SPTB: variants seen among roughly 807,000 people sequenced by gnomAD.
SPTB encodes the protein spectrin beta, erythrocytic.
In SPTB, 45 loss-of-function variants were observed where a neutral mutation model predicts 256.2. The ratio of observed to expected loss-of-function variants is 0.18; its 90% confidence interval spans 0.14 to 0.23. The LOEUF (loss-of-function observed/expected upper bound fraction) is 0.23. Among genes scored for constraint, SPTB ranks in the 10% least tolerant of loss-of-function variants. SPTB has a pLI of 1.00. For synonymous variants in SPTB, 1,231 were observed against 1,243.1 expected, an observed-to-expected ratio of 0.99 and a Z score of 0.21; for missense variants, 2,715 against 3,040.4, an observed-to-expected ratio of 0.89 and a Z score of 2.52.
At position 64,779,916 on chromosome 14, in the gene SPTB, C is replaced by G. The variant is rs567454803; in HGVS notation, c.4282G>C (p.Val1428Leu). 1 of 1,613,806 alleles carries G rather than the reference C, an allele frequency of 6.2e-7. No homozygotes were observed. Among genetic ancestry groups the G allele is most frequent in the Non-Finnish European group, 8.5e-7 (1 of 1,179,902 alleles). The change falls in exon 21 of 36, where the codon GTG becomes CTG. Residue 1428 changes from valine (V) to leucine (L), a missense_variant. Val to Leu is a conservative substitution (Grantham distance 32). Coordinates refer to ENST00000644917, the MANE Select transcript of SPTB (RefSeq NM_001355436.2). The surrounding 1 kb of genome is among the most constrained non-coding windows in gnomAD (Gnocchi z 4.2). Reference sequence around the variant, plus strand: ...CCCAGCTCCTCTTTTCGCACATTCACTTGGTCCTCCACTCGCTGAGACACA... The same window carrying G: ...CCCAGCTCCTCTTTTCGCACATTCAGTTGGTCCTCCACTCGCTGAGACACA... ...LAKLKRVEDQ[V>L]NVRKEELGEL... is the part of the protein sequence containing the mutation.
chr14:64,774,675 C>T, intron 23 of SPTB, 148 bp from the exon 24 acceptor site: 3 of 1,228,642 alleles, frequency 2.4e-6, no homozygotes, highest in South Asian at 2.7e-5. Flanking sequence ...TGCTTCCTTC[C>T]TGCCCTTCTG....
chr14:64,854,734 C>T (rs1044565060), intron 1 of SPTB, among the ~76,000 whole-genome samples: 24 of 152,266 alleles, frequency 1.6e-4, no homozygotes, highest in Admixed American at 3.3e-4. Context: ...GAAGGCTCCT[C>T]GGATTACACC....
chr14:64,765,043 C>T (rs229583), intron 32 of SPTB, among the ~76,000 whole-genome samples: 17,603 of 88,986 alleles, frequency 0.2, 1,328 homozygotes, highest in African/African-American at 0.25. Flanking sequence ...TGTGTGTGTG[C>T]GCGCGCGCGC....
Position 64,786,104 on chromosome 14 carries a change from T to C in SPTB, c.3562-153A>G, listed in dbSNP as rs889440431. Among the ~76,000 whole-genome samples, 2 of 151,976 alleles carry C rather than the reference T, an allele frequency of 1.3e-5. No individual in the cohort carries two copies. Among genetic ancestry groups the C allele is most frequent in the African/African-American group, 4.8e-5 (2 of 41,398 alleles). ...GGGAGGAGGCACTACTCCCCAGGCCTTGCCCCCACCCCTACCCCAGGGGCA... is the reference window on the plus strand; with the variant it reads ...GGGAGGAGGCACTACTCCCCAGGCCCTGCCCCCACCCCTACCCCAGGGGCA... On this transcript the variant is annotated intron_variant, in intron 16 of 35. Coordinates refer to ENST00000644917, the MANE Select transcript of SPTB (RefSeq NM_001355436.2). This position sits in a 1 kb window ranked among gnomAD's most constrained non-coding sequence, Gnocchi z 5.6.
chr14:64,865,223 T>C (rs1272410152), intron 1 of SPTB, among the ~76,000 whole-genome samples: 1 of 151,898 alleles, frequency 6.6e-6, no homozygotes. Flanking sequence ...GCCAACAAAA[T>C]ACACTGCTCA....
chr14:64,864,611 C>T (rs1249586100), intron 1 of SPTB, among the ~76,000 whole-genome samples: 1 of 152,118 alleles, frequency 6.6e-6, no homozygotes, highest in Non-Finnish European at 1.5e-5. Context: ...AAACACATAT[C>T]TGTATCTATG....
intron 1 of SPTB, among the ~76,000 whole-genome samples, chr14:64,854,274 CTTTTTTTTT>C (rs1206368948): frequency 6.8e-5 from 5 of 73,284 alleles, no homozygotes; most frequent in African/African-American, 1.1e-4. Context: ...TTTCCAAACT[CTTTTTTTTT>C]TTTTTTTTTT....
intron 1 of SPTB, among the ~76,000 whole-genome samples, chr14:64,865,029 T>C (rs1882081621): frequency 6.6e-6 from 1 of 152,058 alleles, no homozygotes; most frequent in Non-Finnish European, 1.5e-5. Flanking sequence ...GTTTGCAAGA[T>C]GCTTGGAGTA....
Position 64,823,548 on chromosome 14 carries a change from A to G in SPTB, c.-51-403T>C, listed in dbSNP as rs554412378. ...CAACCCTCACCCTGAGGACTAGGCC[A>G]GGACCTAACCTGGTGGGGGAGATGG... On this transcript the variant is annotated intron_variant, in intron 1 of 35. Transcript: ENST00000644917. This position sits in a 1 kb window ranked among gnomAD's most constrained non-coding sequence, Gnocchi z 6.5. Among the ~76,000 whole-genome samples the G allele has an allele frequency of 2.0e-5, 3 of 152,280 alleles. No homozygotes were observed. The highest frequency in any genetic ancestry group is 6.5e-5 in the Admixed American group (1 of 15,296).
Position 64,785,856 on chromosome 14 carries a change from G to C in SPTB, c.3657C>G (p.Asn1219Lys). The change falls in exon 17 of 36, where the codon AAC becomes AAG. Residue 1219 changes from asparagine (N) to lysine (K), a missense_variant. Physicochemically the swap from Asn to Lys is moderately conservative, Grantham distance 94. Coordinates refer to ENST00000644917, the MANE Select transcript of SPTB (RefSeq NM_001355436.2). The surrounding 1 kb of genome is among the most constrained non-coding windows in gnomAD (Gnocchi z 4.4). ...CAGGACTCAAGACCTTATCCCGGTT[G>C]TTCTCCATAGACCCCAAGAAATCCT... ...KFEDFLGSME[N>K]NRDKVLSPVD... The C allele has an allele frequency of 6.2e-7, 1 of 1,614,122 alleles. No individual in the cohort carries two copies. The highest frequency in any genetic ancestry group is 8.5e-7 in the Non-Finnish European group (1 of 1,180,032).
In SPTB at chr14:64,758,967, G is replaced by C. The variant is rs1381364945; in HGVS notation, c.6346-5174C>G. On this transcript the variant is annotated intron_variant, in intron 32 of 35. Transcript: ENST00000644917. The surrounding 1 kb of genome is among the most constrained non-coding windows in gnomAD (Gnocchi z 4.6). ...TGGGGGCCTTATCAGGGAAGGGGGT[G>C]GGGGAGGCTGGAGATGGGGTAGATG... Among the ~76,000 whole-genome samples, 1 of 152,116 alleles carries C rather than the reference G, an allele frequency of 6.6e-6. No individual in the cohort carries two copies. The highest frequency in any genetic ancestry group is 6.5e-5 in the Admixed American group (1 of 15,278).
rs140969072 is a variant in SPTB, at chr14:64,764,720, C to G, written c.6345+2006G>C. Among the ~76,000 whole-genome samples, 750 of 152,322 alleles carry G rather than the reference C, an allele frequency of 4.9e-3. 7 individuals carry two copies. The highest frequency in any genetic ancestry group is 7.6e-3 in the Non-Finnish European group (514 of 68,030). ...CAGGACACCGCCACATGCAGACACA[C>G]AGGGACGCATGGCAGAAGCAGGCGG... is the stretch of plus-strand genomic sequence containing the variant. On this transcript the variant is annotated intron_variant, in intron 32 of 35. Transcript: ENST00000644917. The surrounding 1 kb of genome is among the most constrained non-coding windows in gnomAD (Gnocchi z 4.2).
rs931006757 is a variant in SPTB at position 64,786,049 on chromosome 14, C to T, written c.3562-98G>A. The T allele has an allele frequency of 1.1e-5, 14 of 1,249,498 alleles. No homozygotes were observed. The highest frequency in any genetic ancestry group is 8.9e-5 in the African/African-American group (6 of 67,780). 77.4% of individuals were successfully genotyped at this position (1,249,498 alleles called of 1,614,324 possible). The stretch of plus-strand genomic sequence containing the variant: ...GCACCACGTGCAGCCACACAGGCCA[C>T]GGTATGAATGAGCCCCCTAGAGTAG... On this transcript the variant is annotated intron_variant, in intron 16 of 35. Transcript: ENST00000644917. This position sits in a 1 kb window ranked among gnomAD's most constrained non-coding sequence, Gnocchi z 5.6.
chr14:64,879,267 T>C (rs1882989945), intron 1 of SPTB, among the ~76,000 whole-genome samples: 1 of 152,182 alleles, frequency 6.6e-6, no homozygotes, highest in African/African-American at 2.4e-5. Context: ...CGGCCCCCTC[T>C]GCTGCCCTCA....
chr14:64,782,367 C>A lies in SPTB; in HGVS notation c.4189G>T (p.Ala1397Ser), dbSNP rs759799491. 13 of 1,614,030 alleles carry A rather than the reference C, an allele frequency of 8.1e-6. No homozygotes were observed. In the African/African-American group the frequency reaches 1.7e-4, roughly 22 times the overall value. ...TCTGACCGCAGCTGGTCCTCCATGG[C>A]GCTGATCCACTTGTTGAGGTCAGCA... ...THADLNKWIS[A>S]MEDQLRSDDP... The change falls in exon 20 of 36, where the codon GCC becomes TCC. Residue 1397 changes from alanine to serine, a missense_variant. Ala to Ser is a moderately conservative substitution (Grantham distance 99). Transcript: ENST00000644917.
rs1218417405 is a variant in SPTB at position 64,795,830 on chromosome 14, G to C, written c.1342-191C>G. The stretch of plus-strand genomic sequence containing the variant: ...AGTTCCAAAAATTAATGTCTCACAA[G>C]AGACTCTAAGAGAAGTTCATGATTT... On this transcript the variant is annotated intron_variant, in intron 11 of 35. Transcript: ENST00000644917. The surrounding 1 kb of genome is among the most constrained non-coding windows in gnomAD (Gnocchi z 6.5). Among the ~76,000 whole-genome samples, 3 of 152,190 alleles carry C rather than the reference G, an allele frequency of 2.0e-5. No homozygotes were observed. The highest frequency in any genetic ancestry group is 6.5e-5 in the Admixed American group (1 of 15,282).
chr14:64,802,231 C>T lies in SPTB; in HGVS notation c.561G>A (p.Thr187=), dbSNP rs752547639. Residue 187 remains threonine, a synonymous_variant, in exon 5 of 36, where the codon ACG becomes ACA. Coordinates refer to ENST00000644917, the MANE Select transcript of SPTB (RefSeq NM_001355436.2). The surrounding 1 kb of genome is among the most constrained non-coding windows in gnomAD (Gnocchi z 5.1). The part of the protein sequence containing the change: ...DALLLWCQMK[T]AGYPHVNVTN... Reference sequence around the variant, plus strand: ...AGCTGGTTCCCAGGGCATACCCTGCCGTCTTCATCTGACACCACAACAGCA... The same window carrying T: ...AGCTGGTTCCCAGGGCATACCCTGCTGTCTTCATCTGACACCACAACAGCA... 8.1e-6 allele frequency: 13 copies of T among 1,614,196 alleles called. No homozygotes were observed. The highest frequency in any genetic ancestry group is 4.5e-5 in the East Asian group (2 of 44,882).
rs969310165 is a variant in SPTB at position 64,779,043 on chromosome 14, G to A, written c.4563+114C>T. ...TTGGAGACCCCAAAGCTACCAACAA[G>A]AACAATAATCTGCTGTTGCTAGCCT... On this transcript the variant is annotated intron_variant, in intron 22 of 35. Coordinates refer to ENST00000644917, the MANE Select transcript of SPTB (RefSeq NM_001355436.2). The surrounding 1 kb of genome is among the most constrained non-coding windows in gnomAD (Gnocchi z 4.2). 17 of 797,422 alleles carry A rather than the reference G, an allele frequency of 2.1e-5. No individual in the cohort carries two copies. The highest frequency in any genetic ancestry group is 3.6e-5 in the Non-Finnish European group (17 of 471,442). The allele number at this position is 797,422 out of a possible 1,614,324, so 49.4% of individuals were successfully genotyped here.
intron 1 of SPTB, among the ~76,000 whole-genome samples, chr14:64,879,090 G>A (rs911036421): frequency 1.3e-5 from 2 of 152,228 alleles, no homozygotes; most frequent in Non-Finnish European, 2.9e-5. Flanking sequence ...AGGGGAAACT[G>A]GAGAGGAGGG....
Sources: allele counts gnomAD v4.1 joint callset (sites outside exome capture counted in the v4.1 genomes callset), GRCh38; gene constraint gnomAD v4.1.1; non-coding constraint Gnocchi (gnomAD v3.1); transcripts MANE v1.5; gene names NCBI Gene and HGNC (gene_info 2026-07-23, HGNC 2026-07-21).